The following CYRIA variants were observed in gnomAD, a reference collection of about 807,000 sequenced individuals.
The protein encoded by CYRIA is CYFIP-related Rac1 interactor A.
In CYRIA, 15 loss-of-function variants were observed where a neutral mutation model predicts 43.9. That is an observed-to-expected ratio of 0.34 (90% CI 0.23 to 0.53). The LOEUF (loss-of-function observed/expected upper bound fraction) is 0.53, where lower values mean the gene tolerates loss of function less well. CYRIA is among the 20% of genes least tolerant of loss of function. The pLI is 0.94. For missense variants in CYRIA, 236 were observed against 394.2 expected, an observed-to-expected ratio of 0.60 and a Z score of 3.40; for synonymous variants, 117 against 136.0, an observed-to-expected ratio of 0.86 and a Z score of 0.97.
At position 16,650,446 on chromosome 2, in the gene CYRIA, TA is replaced by T. The variant is rs1230694715; in HGVS notation, c.-167+15333del. ...GATCGATTAAAACACTAGCAAATCA[TA>T]AAGGTTTCATTGGTCTCTGGGCCAG... On this transcript the variant is annotated intron_variant, in intron 1 of 11. Coordinates refer to ENST00000381323, the MANE Select transcript of CYRIA (RefSeq NM_030797.4). This position sits in a 1 kb window ranked among gnomAD's most constrained non-coding sequence, Gnocchi z 4.1. 2.0e-5 allele frequency among the ~76,000 whole-genome samples: 3 copies of T among 152,196 alleles called. No individual in the cohort carries two copies. The highest frequency in any genetic ancestry group is 1.3e-4 in the Admixed American group (2 of 15,280).
At chr2:16,583,443 A>G (rs865818322) in intron 3 of CYRIA, among the ~76,000 whole-genome samples, 1 of 152,172 alleles carries the variant, frequency 6.6e-6, no homozygotes, top group African/African-American at 2.4e-5. Context: ...GAAATGTGGG[A>G]AAAATGGATT....
chr2:16,562,817 A>T (rs894690620), intron 5 of CYRIA, among the ~76,000 whole-genome samples: 1 of 152,174 alleles, frequency 6.6e-6, no homozygotes, highest in East Asian at 1.9e-4. Context: ...TTGTAAATAA[A>T]CACAAGTTTT....
intron 1 of CYRIA, among the ~76,000 whole-genome samples, chr2:16,647,736 A>G (rs1405158599): frequency 6.6e-6 from 1 of 151,974 alleles, no homozygotes; most frequent in Non-Finnish European, 1.5e-5. Context: ...TACAGTCCAC[A>G]TTTTTCCTTC....
At chr2:16,610,907 T>C (rs1668571933) in intron 2 of CYRIA, among the ~76,000 whole-genome samples, 1 of 58,372 alleles carries the variant, frequency 1.7e-5, no homozygotes, top group South Asian at 6.0e-4. Context: ...CATATATATA[T>C]ATATATATAT....
Position 16,564,109 on chromosome 2 carries a change from T to C in CYRIA, c.193-15A>G, listed in dbSNP as rs776784468. 1.3e-6 allele frequency: 2 copies of C among 1,592,924 alleles called. No homozygotes were observed. Among genetic ancestry groups the C allele is most frequent in the African/African-American group, 1.3e-5 (1 of 74,266 alleles). ...TTTTGAATTGCCTGCAAAAACACAGTAGAGCTGACTGTTTAAAAAGAAGTG... is the reference window on the plus strand; with the variant it reads ...TTTTGAATTGCCTGCAAAAACACAGCAGAGCTGACTGTTTAAAAAGAAGTG... On this transcript the variant is annotated splice_polypyrimidine_tract_variant and intron_variant, in intron 4 of 11. Coordinates refer to ENST00000381323, the MANE Select transcript of CYRIA (RefSeq NM_030797.4).
intron 3 of CYRIA, among the ~76,000 whole-genome samples, chr2:16,571,565 A>G (rs1181033840): frequency 1.3e-5 from 2 of 152,240 alleles, no homozygotes; most frequent in African/African-American, 4.8e-5. Flanking sequence ...CCCGTTTAGG[A>G]CTGTATGGAC....
At chr2:16,603,423 A>T (rs542936885) in intron 2 of CYRIA, among the ~76,000 whole-genome samples, 1 of 152,326 alleles carries the variant, frequency 6.6e-6, no homozygotes, top group African/African-American at 2.4e-5. Flanking sequence ...CTCACCAGTG[A>T]CAGATCAGGG....
rs1055456181 is a variant in CYRIA, at chr2:16,648,181, C to T, written c.-167+17599G>A. ...GGTGGTTTTATCTATCTCAGAGAAACTCAGCCAGGGGGGTGGAGTCTCTGC... is the reference window on the plus strand; with the variant it reads ...GGTGGTTTTATCTATCTCAGAGAAATTCAGCCAGGGGGGTGGAGTCTCTGC... On this transcript the variant is annotated intron_variant, in intron 1 of 11. Coordinates refer to ENST00000381323, the MANE Select transcript of CYRIA (RefSeq NM_030797.4). Among the ~76,000 whole-genome samples, 18 of 152,250 alleles carry T rather than the reference C, an allele frequency of 1.2e-4. No homozygotes were observed. In the East Asian group the frequency reaches 2.9e-3, roughly 25 times the overall value.
At chr2:16,555,199 T>G in intron 10 of CYRIA, 60 bp from the exon 11 acceptor site, 6 of 1,408,128 alleles carry the variant, frequency 4.3e-6, no homozygotes, top group Non-Finnish European at 5.9e-6. Flanking sequence ...TGCCAATATC[T>G]ACCCATAATA....
At chr2:16,572,326 A>G (rs980167549) in intron 3 of CYRIA, among the ~76,000 whole-genome samples, 1 of 143,004 alleles carries the variant, frequency 7.0e-6, no homozygotes, top group African/African-American at 2.5e-5. Context: ...GTGCCAAAAA[A>G]TGAATTTTTT....
chr2:16,555,932 C>A (rs1431234790), intron 10 of CYRIA, among the ~76,000 whole-genome samples: 2 of 152,106 alleles, frequency 1.3e-5, no homozygotes, highest in Non-Finnish European at 2.9e-5. Flanking sequence ...CTTCACAAAC[C>A]TAGGCAAGTG....
rs914156559 is a variant in CYRIA at position 16,553,126 on chromosome 2, A to G, written c.909-127T>C. The G allele has an allele frequency of 3.8e-5, 26 of 690,822 alleles. No homozygotes were observed. In the African/African-American group the frequency reaches 4.3e-4, roughly 11 times the overall value. The allele number at this position is 690,822 out of a possible 1,614,324, so 42.8% of individuals were successfully genotyped here. A position where few individuals can be genotyped will look rare whatever the true frequency, so the allele number is the denominator to read the frequency against. On this transcript the variant is annotated intron_variant, in intron 11 of 11. Coordinates refer to ENST00000381323, the MANE Select transcript of CYRIA (RefSeq NM_030797.4). ...TCTTTAGACAAAAATCCACACTTCA[A>G]TGCTCACAGTCATCTCAGATTTAAT...
intron 2 of CYRIA, among the ~76,000 whole-genome samples, chr2:16,617,180 G>C (rs1473746054): frequency 6.6e-6 from 1 of 152,190 alleles, no homozygotes; most frequent in Non-Finnish European, 1.5e-5. Context: ...CTGGAGACAG[G>C]AAAGAGCTGA....
chr2:16,602,092 A>T lies in CYRIA; in HGVS notation c.-10-13963T>A, dbSNP rs1668235556. 2.0e-5 allele frequency among the ~76,000 whole-genome samples: 3 copies of T among 152,336 alleles called. No individual in the cohort carries two copies. The East Asian group carries it at 5.8e-4, about 29-fold the overall frequency. On this transcript the variant is annotated intron_variant, in intron 2 of 11. Coordinates refer to ENST00000381323, the MANE Select transcript of CYRIA (RefSeq NM_030797.4). ...TAAGCCAATGCTACTTTTTATCAAT[A>T]ATGAACAGAAGGTGAGAAAACAAAT...
At chr2:16,636,086 C>G (rs774251450) in intron 1 of CYRIA, among the ~76,000 whole-genome samples, 1 of 152,090 alleles carries the variant, frequency 6.6e-6, no homozygotes, top group Non-Finnish European at 1.5e-5. Context: ...TGTCCCTCAG[C>G]CTCTGGGGTC....
At position 16,582,375 on chromosome 2, in the gene CYRIA, C is replaced by A. The variant is rs148525543; in HGVS notation, c.70+5675G>T. ...GTTGAGATTTAATTCACGTGCCATA[C>A]GATTTGCCCATTTAAAGTGCATAAT... On this transcript the variant is annotated intron_variant, in intron 3 of 11. Transcript: ENST00000381323. 2.6e-5 allele frequency among the ~76,000 whole-genome samples: 4 copies of A among 152,228 alleles called. No homozygotes were observed. The East Asian group carries it at 7.7e-4, about 29-fold the overall frequency.
At position 16,559,999 on chromosome 2, in the gene CYRIA, C is replaced by T. The variant is rs11895710; in HGVS notation, c.711-413G>A. 8.3e-3 allele frequency among the ~76,000 whole-genome samples: 1,262 copies of T among 152,254 alleles called. 18 individuals are homozygous for T. Among genetic ancestry groups the T allele is most frequent in the African/African-American group, 0.028 (1,158 of 41,564 alleles). On this transcript the variant is annotated intron_variant, in intron 9 of 11. Coordinates refer to ENST00000381323, the MANE Select transcript of CYRIA (RefSeq NM_030797.4). ...GCTATCATGTCTCCAGTCGGAGTAA[C>T]TTCCTTTGTTAAAACACAGGCTGCA...
chr2:16,654,728 A>T (rs1670061179), intron 1 of CYRIA, among the ~76,000 whole-genome samples: 1 of 152,198 alleles, frequency 6.6e-6, no homozygotes, highest in Non-Finnish European at 1.5e-5. Flanking sequence ...GGATGAAAAA[A>T]TGTATACAAA....
rs1388611088 is a variant in CYRIA, at chr2:16,549,929, A to G, written c.*3007T>C. On this transcript the variant is annotated 3_prime_UTR_variant, in exon 12 of 12. Coordinates refer to ENST00000381323, the MANE Select transcript of CYRIA (RefSeq NM_030797.4). ...ACTAGTAGTTAAAAGGTAATATCCAAACTTTCTTTCTGGTTGTTAATACTC... is the reference window on the plus strand; with the variant it reads ...ACTAGTAGTTAAAAGGTAATATCCAGACTTTCTTTCTGGTTGTTAATACTC... 1 of 151,998 alleles carries G rather than the reference A, an allele frequency of 6.6e-6. No individual in the cohort carries two copies. Among genetic ancestry groups the G allele is most frequent in the African/African-American group, 2.4e-5 (1 of 41,412 alleles). 9.4% of individuals were successfully genotyped at this position (151,998 alleles called of 1,614,324 possible). A position where few individuals can be genotyped will look rare whatever the true frequency, so the allele number is the denominator to read the frequency against.
Sources: gnomAD v4.1 joint callset for allele counts (sites outside exome capture counted in the v4.1 genomes callset) on GRCh38, gnomAD v4.1.1 for gene constraint, Gnocchi (gnomAD v3.1) non-coding constraint, MANE v1.5 for transcripts, NCBI Gene and HGNC (gene_info 2026-07-23, HGNC 2026-07-21) for gene names.